The following NFATC1 variants were observed in gnomAD, a reference collection of about 807,000 sequenced individuals.
The protein encoded by NFATC1 is nuclear factor of activated T-cells, cytoplasmic 1.
In NFATC1, 22 loss-of-function variants were observed where a neutral mutation model predicts 76.0. That is an observed-to-expected ratio of 0.29 (90% confidence interval 0.21 to 0.41). The LOEUF (loss-of-function observed/expected upper bound fraction) is 0.41, where lower values mean the gene tolerates loss of function less well. NFATC1 is among the 10% of genes least tolerant of loss of function. The pLI is 1.00. For synonymous variants in NFATC1, 704 were observed against 613.1 expected (o/e 1.15, Z -2.19); for missense variants, 1,357 against 1,337.7 (o/e 1.01, Z -0.23).
rs73007698 is a variant in NFATC1 at position 79,451,081 on chromosome 18, G to A, written c.1717G>A (p.Gly573Ser). The change falls in exon 5 of 10, where the codon GGC becomes AGC. Residue 573 changes from glycine (G) to serine (S), a missense_variant. Physicochemically the swap from Gly to Ser is moderately conservative, Grantham distance 56 (BLOSUM62 0). This residue lies in a region of NFATC1 where 242 missense variants were observed against 329.2 expected (regional missense o/e 0.74). Transcript: ENST00000427363. ...CCGCGTTCACGTCCCGCAACCCAGC[G>A]GCCGCACGCTGTCCCTGCAGGTGGC... ...VFRVHVPQPS[G>S]RTLSLQVASN... The A allele has an allele frequency of 1.1e-4, 177 of 1,613,132 alleles. No individual in the cohort carries two copies. The highest frequency in any genetic ancestry group is 4.0e-4 in the African/African-American group (30 of 75,076).
chr18:79,415,977 A>T (rs568520421), intron 2 of NFATC1, among the ~76,000 whole-genome samples: 1 of 152,290 alleles, frequency 6.6e-6, no homozygotes, highest in South Asian at 2.1e-4. Flanking sequence ...CAGGCGAATC[A>T]TTTGAACCCA....
chr18:79,425,206 CCT>C (rs1371107730), intron 2 of NFATC1, among the ~76,000 whole-genome samples: 3 of 88,090 alleles, frequency 3.4e-5, no homozygotes, highest in Non-Finnish European at 6.5e-5. Flanking sequence ...TGTTTCTCTC[CCT>C]GTCTCTGTCT....
intron 9 of NFATC1, among the ~76,000 whole-genome samples, chr18:79,489,103 G>A (rs897012408): frequency 3.9e-5 from 6 of 152,238 alleles, no homozygotes; most frequent in South Asian, 2.1e-4. Context: ...CAGGTGGCCC[G>A]GGCCCCTCTG....
At chr18:79,399,015 A>G (rs2085094580) in intron 1 of NFATC1, among the ~76,000 whole-genome samples, 1 of 152,246 alleles carries the variant, frequency 6.6e-6, no homozygotes, top group South Asian at 2.1e-4. Flanking sequence ...TGCAGTGAGC[A>G]GAGATTGCAC....
intron 9 of NFATC1, among the ~76,000 whole-genome samples, chr18:79,487,210 G>A (rs1037683247): frequency 1.2e-4 from 19 of 152,208 alleles, no homozygotes; most frequent in African/African-American, 4.1e-4. Context: ...GACCTGTCCC[G>A]GGGTCTAAGG....
At chr18:79,400,292 G>C (rs1260402626) in intron 1 of NFATC1, 1 of 1,242,162 alleles carries the variant, frequency 8.1e-7, no homozygotes, top group African/African-American at 1.6e-5. Flanking sequence ...GGGGAGGGGC[G>C]GGGGTCACGT....
chr18:79,419,031 A>G (rs557855051), intron 2 of NFATC1, among the ~76,000 whole-genome samples: 30 of 152,154 alleles, frequency 2.0e-4, no homozygotes, highest in African/African-American at 7.2e-4. Context: ...TTTTGCTCAG[A>G]TATTTTTTTT....
At chr18:79,488,621 A>T (rs530216709) in intron 9 of NFATC1, among the ~76,000 whole-genome samples, 1 of 152,148 alleles carries the variant, frequency 6.6e-6, no homozygotes, top group Non-Finnish European at 1.5e-5. Context: ...GGAGCTCCGC[A>T]TGGGGCCCAT....
At chr18:79,408,272 C>T (rs1246594905) in intron 1 of NFATC1, among the ~76,000 whole-genome samples, 3 of 152,176 alleles carry the variant, frequency 2.0e-5, no homozygotes. Context: ...CCAGCCAGTG[C>T]AGTTGCACCA....
intron 9 of NFATC1, among the ~76,000 whole-genome samples, chr18:79,511,523 G>T (rs1037185034): frequency 6.6e-6 from 1 of 152,224 alleles, no homozygotes; most frequent in Non-Finnish European, 1.5e-5. Flanking sequence ...GAGGGCACCA[G>T]GGCCATGGCA....
At chr18:79,469,819 C>G in intron 8 of NFATC1, 1 of 985,590 alleles carries the variant, frequency 1.0e-6, no homozygotes, top group South Asian at 4.7e-5. Flanking sequence ...ACCAGCCCCA[C>G]CAGCCCCCAG....
chr18:79,415,194 T>C (rs978374662), intron 2 of NFATC1, among the ~76,000 whole-genome samples: 4 of 152,236 alleles, frequency 2.6e-5, no homozygotes, highest in African/African-American at 7.2e-5. Context: ...GAGGCAAGGT[T>C]GTAGGGGAAT....
chr18:79,470,374 G>A lies in NFATC1; in HGVS notation c.2092+2792G>A, dbSNP rs547740134. The A allele has an allele frequency of 2.3e-3, 355 of 152,372 alleles. 1 individual carries two copies. Among genetic ancestry groups the A allele is most frequent in the Non-Finnish European group, 3.7e-3 (253 of 68,048 alleles). The allele number at this position is 152,372 out of a possible 1,614,324, so 9.4% of individuals were successfully genotyped here. A position where few individuals can be genotyped will look rare whatever the true frequency, so the allele number is the denominator to read the frequency against. On this transcript the variant is annotated intron_variant, in intron 8 of 9. Transcript: ENST00000427363. ...CGATGAGCTTCGGGTCTGCATGCCCGGGGGTCACGGCAGTGAGGGGCGGAC... is the reference window on the plus strand; with the variant it reads ...CGATGAGCTTCGGGTCTGCATGCCCAGGGGTCACGGCAGTGAGGGGCGGAC...
At position 79,451,785 on chromosome 18, in the gene NFATC1, C is replaced by T. The variant is rs1394679442; in HGVS notation, c.1872C>T (p.Asp624=). Residue 624 remains aspartate, a synonymous_variant, in exon 6 of 10, where the codon GAC becomes GAT. Transcript: ENST00000427363. The part of the protein sequence containing the change: ...MVLSGHNFLQ[D]SKVIFVEKAP... ...TGTCTGGCCACAACTTCCTGCAGGA[C>T]TCCAAGGTCATTTTCGTGGAGAAAG... 2 of 1,612,266 alleles carry T rather than the reference C, an allele frequency of 1.2e-6. No homozygotes were observed. Among genetic ancestry groups the T allele is most frequent in the African/African-American group, 2.7e-5 (2 of 74,874 alleles).
intron 6 of NFATC1, among the ~76,000 whole-genome samples, chr18:79,458,627 C>A (rs1052856411): frequency 1.3e-5 from 2 of 152,232 alleles, no homozygotes; most frequent in African/African-American, 4.8e-5. Flanking sequence ...CTCCTGCACT[C>A]GGGCAGTTTC....
intron 3 of NFATC1, among the ~76,000 whole-genome samples, chr18:79,439,984 C>T (rs958201272): frequency 2.6e-5 from 4 of 152,136 alleles, no homozygotes; most frequent in African/African-American, 4.8e-5. Context: ...ACGGGGAAGG[C>T]GTGTGGCCTC....
chr18:79,400,154 G>C, intron 1 of NFATC1: 1 of 1,052,408 alleles, frequency 9.5e-7, no homozygotes, highest in Non-Finnish European at 1.2e-6. Context: ...CGGGGGCGGG[G>C]GGGACACGAG....
intron 4 of NFATC1, among the ~76,000 whole-genome samples, chr18:79,450,222 A>T (rs2087404677): frequency 6.6e-6 from 1 of 152,146 alleles, no homozygotes; most frequent in Admixed American, 6.5e-5. Context: ...TAACTTACTG[A>T]AAAATACTGC....
intron 9 of NFATC1, among the ~76,000 whole-genome samples, chr18:79,509,298 G>A (rs1214155544): frequency 6.6e-6 from 1 of 152,214 alleles, no homozygotes; most frequent in Admixed American, 6.5e-5. Context: ...CGCGCCTGCC[G>A]GACGCCAGCT....
Sources: allele counts gnomAD v4.1 joint callset (sites outside exome capture counted in the v4.1 genomes callset), GRCh38; gene constraint gnomAD v4.1.1; regional missense constraint gnomAD v4.1.1; transcripts MANE v1.5; gene names NCBI Gene and HGNC (gene_info 2026-07-23, HGNC 2026-07-21).